KCNMB2: variants seen among roughly 807,000 people sequenced by gnomAD.
KCNMB2 encodes potassium calcium-activated channel subfamily M regulatory beta subunit 2.
A neutral mutation model predicts 24.5 loss-of-function variants in KCNMB2; 9 were observed. That is an observed-to-expected ratio of 0.37 (90% CI 0.22 to 0.64). The LOEUF (loss-of-function observed/expected upper bound fraction) is 0.64. Ranked by LOEUF, KCNMB2 falls within the 30% of genes least tolerant of loss-of-function variation. The probability of loss-of-function intolerance (pLI) is 0.63; values close to 1 mark genes in which losing one functional copy is unlikely to be tolerated. For synonymous variants in KCNMB2, 109 were observed against 104.4 expected (o/e 1.04, Z -0.27); for missense variants, 226 against 284.3 (o/e 0.79, Z 1.47).
chr3:178,775,724 GAC>G (rs1449896669), intron 1 of KCNMB2, among the ~76,000 whole-genome samples: 1 of 152,066 alleles, frequency 6.6e-6, no homozygotes, highest in Non-Finnish European at 1.5e-5. Context: ...ATTTACAAAT[GAC>G]AAGCAATAAA....
intron 1 of KCNMB2, among the ~76,000 whole-genome samples, chr3:178,761,211 G>T (rs955741017): frequency 6.6e-6 from 1 of 152,152 alleles, no homozygotes; most frequent in African/African-American, 2.4e-5. Flanking sequence ...ATCATAGTGA[G>T]TGACATGCTC....
intron 1 of KCNMB2, among the ~76,000 whole-genome samples, chr3:178,570,348 AT>A (rs1350396715): frequency 6.6e-6 from 1 of 151,996 alleles, no homozygotes; most frequent in Middle Eastern, 3.2e-3. Flanking sequence ...GTCCCCCACA[AT>A]TTTTTTAATT....
In KCNMB2 at chr3:178,843,975, T is replaced by C. The variant is rs1223469169; in HGVS notation, c.*1038T>C. On this transcript the variant is annotated 3_prime_UTR_variant, in exon 5 of 5. Transcript: ENST00000452583. Reference sequence around the variant, plus strand: ...GCACAGAATATTAGTCTCTTCTACATGTTTTATTTTTCTATTTATAATTCC... The same window carrying C: ...GCACAGAATATTAGTCTCTTCTACACGTTTTATTTTTCTATTTATAATTCC... The C allele has an allele frequency of 6.6e-6, 1 of 152,474 alleles. No individual in the cohort carries two copies. The highest frequency in any genetic ancestry group is 1.5e-5 in the Non-Finnish European group (1 of 67,990). 9.4% of individuals were successfully genotyped at this position (152,474 alleles called of 1,614,324 possible).
At chr3:178,783,400 G>A (rs1364539143) in intron 1 of KCNMB2, among the ~76,000 whole-genome samples, 6 of 150,602 alleles carry the variant, frequency 4.0e-5, no homozygotes, top group East Asian at 1.9e-4. Flanking sequence ...CCATTTTCAC[G>A]ATATTGATTC....
chr3:178,752,591 T>C (rs1723887890), intron 1 of KCNMB2, among the ~76,000 whole-genome samples: 1 of 152,112 alleles, frequency 6.6e-6, no homozygotes, highest in Admixed American at 6.6e-5. Flanking sequence ...AAATGTAAAT[T>C]AGAGAATGGA....
chr3:178,656,339 G>A (rs1381256245), intron 1 of KCNMB2, among the ~76,000 whole-genome samples: 1 of 152,162 alleles, frequency 6.6e-6, no homozygotes, highest in Non-Finnish European at 1.5e-5. Context: ...AACAAACACT[G>A]AATTCAAATG....
intron 1 of KCNMB2, among the ~76,000 whole-genome samples, chr3:178,680,726 A>G (rs1343247505): frequency 1.3e-5 from 2 of 152,112 alleles, no homozygotes; most frequent in Non-Finnish European, 2.9e-5. Context: ...TCCTCATTCA[A>G]CAACCTTGCT....
intron 1 of KCNMB2, among the ~76,000 whole-genome samples, chr3:178,650,616 T>A (rs1720080245): frequency 6.6e-6 from 1 of 152,022 alleles, no homozygotes; most frequent in African/African-American, 2.4e-5. Context: ...CAAAAAAAAA[T>A]TTCAGGCCAA....
At chr3:178,725,104 A>C (rs1025050481) in intron 1 of KCNMB2, among the ~76,000 whole-genome samples, 1 of 152,038 alleles carries the variant, frequency 6.6e-6, no homozygotes, top group African/African-American at 2.4e-5. Flanking sequence ...TTGCTTTGGC[A>C]AGTATGGACA....
intron 1 of KCNMB2, among the ~76,000 whole-genome samples, chr3:178,616,091 A>G (rs948261588): frequency 6.6e-6 from 1 of 152,008 alleles, no homozygotes; most frequent in Non-Finnish European, 1.5e-5. Context: ...ACAAGCAGAA[A>G]GAAGGGCTCT....
At chr3:178,730,136 T>C (rs1237254891) in intron 1 of KCNMB2, among the ~76,000 whole-genome samples, 2 of 152,142 alleles carry the variant, frequency 1.3e-5, no homozygotes, top group Non-Finnish European at 2.9e-5. Context: ...AGAAGACAAT[T>C]CTACCACGTT....
chr3:178,592,797 AG>A (rs1717722587), intron 1 of KCNMB2, among the ~76,000 whole-genome samples: 1 of 152,050 alleles, frequency 6.6e-6, no homozygotes, highest in Admixed American at 6.6e-5. Flanking sequence ...ATTTTTTTAA[AG>A]TGAAGGTTTC....
chr3:178,820,555 A>G (rs6804163), intron 2 of KCNMB2: 39,969 of 153,030 alleles, frequency 0.26, 7,047 homozygotes, highest in African/African-American at 0.51. Context: ...GTGACAGCCA[A>G]GGAGGAAAAA....
At chr3:178,624,684 G>A (rs1325846670) in intron 1 of KCNMB2, among the ~76,000 whole-genome samples, 28 of 147,524 alleles carry the variant, frequency 1.9e-4, no homozygotes, top group Admixed American at 6.9e-5. Flanking sequence ...TGCCAACGCC[G>A]CTCTTCTCAT....
At chr3:178,710,588 A>G (rs1345705613) in intron 1 of KCNMB2, among the ~76,000 whole-genome samples, 1 of 152,058 alleles carries the variant, frequency 6.6e-6, no homozygotes, top group African/African-American at 2.4e-5. Flanking sequence ...CAAGGCCTGG[A>G]GGCAGGTTGT....
chr3:178,582,752 T>A (rs1487811070), intron 1 of KCNMB2, among the ~76,000 whole-genome samples: 1 of 152,186 alleles, frequency 6.6e-6, no homozygotes, highest in Non-Finnish European at 1.5e-5. Context: ...ATATCTTTCT[T>A]AGGCCTTCTA....
At chr3:178,738,611 G>A (rs899363509) in intron 1 of KCNMB2, among the ~76,000 whole-genome samples, 1 of 152,050 alleles carries the variant, frequency 6.6e-6, no homozygotes, top group Non-Finnish European at 1.5e-5. Flanking sequence ...TCCTCTGCCT[G>A]GAACCCTCCT....
intron 1 of KCNMB2, among the ~76,000 whole-genome samples, chr3:178,733,431 A>G (rs1723216045): frequency 6.6e-6 from 1 of 152,128 alleles, no homozygotes; most frequent in Non-Finnish European, 1.5e-5. Flanking sequence ...AGCCAATGGA[A>G]AGTTTTGAGA....
chr3:178,608,932 A>C (rs2108514046), intron 1 of KCNMB2, among the ~76,000 whole-genome samples: 1 of 152,280 alleles, frequency 6.6e-6, no homozygotes, highest in Middle Eastern at 3.4e-3. Flanking sequence ...GCTATTGTAA[A>C]CCATGCTGCG....
Sources: gnomAD v4.1 joint callset for allele counts (sites outside exome capture counted in the v4.1 genomes callset) on GRCh38, gnomAD v4.1.1 for gene constraint, MANE v1.5 for transcripts, NCBI Gene and HGNC (gene_info 2026-07-23, HGNC 2026-07-21) for gene names.